Variants in ATP9B observed in about 807,000 individuals in gnomAD.
ATP9B encodes the protein probable phospholipid-transporting ATPase IIB.
In ATP9B, 110 loss-of-function variants were observed where a neutral mutation model predicts 146.1. The ratio of observed to expected loss-of-function variants is 0.75; its 90% CI spans 0.65 to 0.88. The LOEUF is 0.88. Ranked by LOEUF, ATP9B falls within the 40% of genes least tolerant of loss-of-function variation. The pLI is 0.00. For synonymous variants in ATP9B, 604 were observed against 569.7 expected, an observed-to-expected ratio of 1.06 and a Z score of -0.86; for missense variants, 1,499 against 1,496.4, an observed-to-expected ratio of 1.00 and a Z score of -0.03.
At chr18:79,366,218 G>A (rs1236940626) in intron 26 of ATP9B, among the ~76,000 whole-genome samples, 1 of 152,260 alleles carries the variant, frequency 6.6e-6, no homozygotes, top group Non-Finnish European at 1.5e-5. Flanking sequence ...GGGGGTGTGG[G>A]TGTGGAAGCT....
At chr18:79,100,851 A>G (rs2075220217) in intron 2 of ATP9B, among the ~76,000 whole-genome samples, 1 of 152,158 alleles carries the variant, frequency 6.6e-6, no homozygotes, top group African/African-American at 2.4e-5. Context: ...TTGTGCAGAA[A>G]AACTCCTGTT....
At chr18:79,268,187 A>G (rs1031129064) in intron 12 of ATP9B, among the ~76,000 whole-genome samples, 4 of 152,088 alleles carry the variant, frequency 2.6e-5, no homozygotes, top group East Asian at 1.9e-4. Flanking sequence ...TTTCTTTGGC[A>G]TATCTTTTTC....
At chr18:79,272,598 T>G (rs2096267749) in intron 12 of ATP9B, among the ~76,000 whole-genome samples, 2 of 152,134 alleles carry the variant, frequency 1.3e-5, no homozygotes, top group Admixed American at 1.3e-4. Context: ...CACTGAATCC[T>G]GCACGGATAC....
In ATP9B at chr18:79,327,628, T is replaced by TGCTCTCCGTGTTTAGC. The variant is rs1568698475; in HGVS notation, c.1774-1512_1774-1511insCTCTCCGTGTTTAGCG. ...TGGTTAGCGTGCCCTCCCTGGTTAG[T>TGCTCTCCGTGTTTAGC]GTGCCCTCCCTGGTTAGCATGCTCT... On this transcript the variant is annotated intron_variant, in intron 15 of 29. Transcript: ENST00000426216. Among the ~76,000 whole-genome samples the TGCTCTCCGTGTTTAGC allele has an allele frequency of 8.1e-5, 5 of 61,606 alleles. 1 individual carries two copies. The highest frequency in any genetic ancestry group is 1.4e-4 in the African/African-American group (2 of 14,320). 40.4% of individuals were successfully genotyped at this position (61,606 alleles called of 152,430 possible).
At chr18:79,107,051 T>C (rs1281633920) in intron 2 of ATP9B, among the ~76,000 whole-genome samples, 1 of 152,240 alleles carries the variant, frequency 6.6e-6, no homozygotes, top group Admixed American at 6.5e-5. Flanking sequence ...TTTTGTATAC[T>C]AGAACATCAG....
At position 79,088,008 on chromosome 18, in the gene ATP9B, C is replaced by T. The variant is rs139496832; in HGVS notation, c.120-8468C>T. On this transcript the variant is annotated intron_variant, in intron 1 of 29. Coordinates refer to ENST00000426216, the MANE Select transcript of ATP9B (RefSeq NM_198531.5). Reference sequence around the variant, plus strand: ...GGCAACAAAGACACTTAAGATTCTGCGCTTTTCCTGTCTCTGAAAAAAATC... The same window carrying T: ...GGCAACAAAGACACTTAAGATTCTGTGCTTTTCCTGTCTCTGAAAAAAATC... Among the ~76,000 whole-genome samples the T allele has an allele frequency of 3.1e-3, 466 of 152,224 alleles. 6 individuals are homozygous for T. Among genetic ancestry groups the T allele is most frequent in the African/African-American group, 9.7e-3 (404 of 41,552 alleles).
intron 12 of ATP9B, among the ~76,000 whole-genome samples, chr18:79,269,038 G>T (rs749595087): frequency 2.0e-5 from 3 of 152,138 alleles, no homozygotes; most frequent in Non-Finnish European, 2.9e-5. Flanking sequence ...GTTGAGGTAC[G>T]ATGTTTCTTT....
intron 5 of ATP9B, 29 bp downstream of exon 5, chr18:79,126,404 C>T (rs757383450): frequency 8.2e-6 from 12 of 1,455,202 alleles, no homozygotes; most frequent in East Asian, 4.6e-5. Context: ...TCCTGCTTAG[C>T]GTTTGCTTAC....
At chr18:79,096,720 T>A in intron 2 of ATP9B, 71 bp downstream of exon 2, 7 of 1,177,596 alleles carry the variant, frequency 5.9e-6, no homozygotes, top group Non-Finnish European at 7.1e-6. Context: ...CTAATATACT[T>A]ATTAGCTATA....
intron 4 of ATP9B, among the ~76,000 whole-genome samples, chr18:79,119,338 C>A (rs2094149301): frequency 6.6e-6 from 1 of 152,206 alleles, no homozygotes; most frequent in Admixed American, 6.5e-5. Context: ...CAAGCACACA[C>A]ACGTCTGTTT....
At chr18:79,078,803 C>G (rs761686487) in intron 1 of ATP9B, among the ~76,000 whole-genome samples, 3 of 152,058 alleles carry the variant, frequency 2.0e-5, no homozygotes, top group Non-Finnish European at 4.4e-5. Flanking sequence ...TAATGTTATC[C>G]TTCACCTAGC....
chr18:79,165,694 GA>G (rs1437761317), intron 7 of ATP9B, among the ~76,000 whole-genome samples: 1 of 152,018 alleles, frequency 6.6e-6, no homozygotes, highest in Non-Finnish European at 1.5e-5. Context: ...CCATGTGCAG[GA>G]AGCTCTACTC....
chr18:79,103,427 A>G (rs2075431067), intron 2 of ATP9B, among the ~76,000 whole-genome samples: 2 of 152,310 alleles, frequency 1.3e-5, no homozygotes, highest in Non-Finnish European at 2.9e-5. Context: ...TGGAAGCCAC[A>G]CAGAAGGATG....
At chr18:79,274,124 A>T (rs145768997) in intron 12 of ATP9B, among the ~76,000 whole-genome samples, 9 of 152,292 alleles carry the variant, frequency 5.9e-5, no homozygotes, top group African/African-American at 2.2e-4. Context: ...ATTACTTTAT[A>T]ATCTATTTCT....
intron 25 of ATP9B, chr18:79,354,187 G>A (rs2096937358): frequency 6.6e-6 from 1 of 152,156 alleles, no homozygotes; most frequent in Non-Finnish European, 1.5e-5. Context: ...GGTGTCATGG[G>A]TGTTTCTGGT....
chr18:79,077,864 G>A (rs921865488), intron 1 of ATP9B: 1 of 152,222 alleles, frequency 6.6e-6, no homozygotes. Flanking sequence ...TGGCTGTAAA[G>A]TTTACCTCTG....
chr18:79,346,542 T>C (rs892839116), intron 23 of ATP9B, among the ~76,000 whole-genome samples: 1 of 92,432 alleles, frequency 1.1e-5, no homozygotes, highest in South Asian at 4.2e-4. Flanking sequence ...CAGCACACAC[T>C]CGGCACACAC....
chr18:79,213,690 T>C, intron 10 of ATP9B, among the ~76,000 whole-genome samples: 1 of 152,162 alleles, frequency 6.6e-6, no homozygotes. Flanking sequence ...TGTCATTATC[T>C]CTATTGTCAG....
chr18:79,279,062 C>T (rs1205671278), intron 13 of ATP9B, among the ~76,000 whole-genome samples: 1 of 152,184 alleles, frequency 6.6e-6, no homozygotes, highest in Non-Finnish European at 1.5e-5. Flanking sequence ...GACCTGGAGC[C>T]GACAGGTGTG....
Sources: allele counts gnomAD v4.1 joint callset (sites outside exome capture counted in the v4.1 genomes callset), GRCh38; gene constraint gnomAD v4.1.1; transcripts MANE v1.5; gene names NCBI Gene and HGNC (gene_info 2026-07-23, HGNC 2026-07-21).